The following BARHL2 variants were observed in gnomAD, a reference collection of about 807,000 sequenced individuals.
BARHL2 encodes the protein BarH like homeobox 2, also known as barH-like 2 homeobox protein.
BARHL2 carries 10 observed loss-of-function variants against 27.1 expected under a neutral mutation model. The observed-to-expected ratio is 0.37, with a 90% confidence interval of 0.23 to 0.63. BARHL2 has a LOEUF of 0.63. Among genes scored for constraint, BARHL2 ranks in the 20% least tolerant of loss-of-function variants. The probability of loss-of-function intolerance (pLI) is 0.65; values close to 1 mark genes in which losing one functional copy is unlikely to be tolerated. For missense variants in BARHL2, 483 were observed against 533.5 expected (o/e 0.91, Z 0.93); for synonymous variants, 248 against 224.7 (o/e 1.10, Z -0.93).
In BARHL2 at chr1:90,716,946, G is replaced by A; in HGVS notation, c.250C>T (p.His84Tyr). The change falls in exon 1 of 3, where the codon CAT becomes TAT. Residue 84 changes from histidine (H) to tyrosine (Y), a missense_variant. Coordinates refer to ENST00000370445, the MANE Select transcript of BARHL2 (RefSeq NM_020063.2). ...EPHLVADATQHHHHLHHSQQP... is the reference protein window; with the variant it reads ...EPHLVADATQYHHHLHHSQQP... ...TGGCTGTGGTGGAGGTGGTGATGAT[G>A]CTGGGTCGCGTCTGCTACCAGATGC... 6.2e-7 allele frequency: 1 copy of A among 1,613,084 alleles called. No homozygotes were observed. The highest frequency in any genetic ancestry group is 2.2e-5 in the East Asian group (1 of 44,784).
chr1:90,714,862 G>A, intron 1 of BARHL2, 106 bp from the exon 2 acceptor site: 1 of 1,020,374 alleles, frequency 9.8e-7, no homozygotes, highest in South Asian at 1.4e-5. Flanking sequence ...ACTGGCTTCG[G>A]GGGACTGCAC....
At chr1:90,714,394 C>T (rs1570607399) in intron 2 of BARHL2, 137 bp downstream of exon 2, 12 of 823,420 alleles carry the variant, frequency 1.5e-5, no homozygotes, top group Non-Finnish European at 2.1e-5. Flanking sequence ...CTGCCCCATC[C>T]TTAAAGCACC....
intron 1 of BARHL2, among the ~76,000 whole-genome samples, chr1:90,716,208 C>T (rs1658141486): frequency 6.6e-6 from 1 of 151,918 alleles, no homozygotes; most frequent in South Asian, 2.1e-4. Context: ...CCTACCTCCC[C>T]CCATTCCCAT....
Position 90,712,410 on chromosome 1 carries a change from G to C in BARHL2, c.1066C>G (p.Leu356Val). The C allele has an allele frequency of 6.2e-7, 1 of 1,604,756 alleles. No homozygotes were observed. The highest frequency in any genetic ancestry group is 8.5e-7 in the Non-Finnish European group (1 of 1,175,182). Residue 356 changes from leucine to valine, a missense_variant, in exon 3 of 3, where the codon CTG (leucine) becomes GTG (valine). Coordinates refer to ENST00000370445, the MANE Select transcript of BARHL2 (RefSeq NM_020063.2). ...CCGTGGATGAGCACACGGGGCACCAGGGGCCGCTGCAGCTGGGGATGGGGT... is the reference window on the plus strand; with the variant it reads ...CCGTGGATGAGCACACGGGGCACCACGGGCCGCTGCAGCTGGGGATGGGGT... ...PAPHPQLQRPLVPRVLIHGLG... is the reference protein window; with the variant it reads ...PAPHPQLQRPVVPRVLIHGLG...
In BARHL2 at chr1:90,714,597, C is replaced by T. The variant is rs1292476644; in HGVS notation, c.785G>A (p.Arg262His). The T allele has an allele frequency of 1.9e-6, 3 of 1,614,094 alleles. No homozygotes were observed. The highest frequency in any genetic ancestry group is 2.2e-5 in the South Asian group (2 of 91,086). The change falls in exon 2 of 3, where the codon CGC (arginine) becomes CAC (histidine). Residue 262 changes from arginine to histidine, a missense_variant. By Grantham distance (29) the Arg-to-His change is conservative (BLOSUM62 0). Transcript: ENST00000370445. The stretch of plus-strand genomic sequence containing the variant: ...GTTGAGCGCTGCAGCCAGGTCCATG[C>T]GATCCTGCACGCTCAGGTACTTCTG... ...ERQKYLSVQD[R>H]MDLAAALNLT...
rs1226033755 is a variant in BARHL2, at chr1:90,717,190, T to C, written c.6A>G (p.Thr2=). 5.6e-6 allele frequency: 9 copies of C among 1,612,148 alleles called. No individual in the cohort carries two copies. Among genetic ancestry groups the C allele is most frequent in the Non-Finnish European group, 7.6e-6 (9 of 1,179,522 alleles). M[T]MEGASGSSFG... ...AACTCGACCCGCTGGCCCCTTCCAT[T>C]GTCATTGCTACATGAGGTCCACGCC... Residue 2 remains threonine (T), a synonymous_variant, in exon 1 of 3, where the codon ACA becomes ACG. Coordinates refer to ENST00000370445, the MANE Select transcript of BARHL2 (RefSeq NM_020063.2).
At position 90,716,848 on chromosome 1, in the gene BARHL2, C is replaced by G; in HGVS notation, c.348G>C (p.Pro116=). 6.4e-7 allele frequency: 1 copy of G among 1,553,240 alleles called. No individual in the cohort carries two copies. Among genetic ancestry groups the G allele is most frequent in the South Asian group, 1.2e-5 (1 of 85,176 alleles). ...GGGGCGGCGGCGGCGGCTGCTGTGG[C>G]GGCAGCGGCTGCTGCTGTTGGGGCA... ...QPLPQQQQPL[P]PQQPPPPPPQ... Residue 116 remains proline, a synonymous_variant, in exon 1 of 3, where the codon CCG becomes CCC. Transcript: ENST00000370445.
chr1:90,713,934 C>T (rs1418565235), intron 2 of BARHL2, among the ~76,000 whole-genome samples: 1 of 152,238 alleles, frequency 6.6e-6, no homozygotes, highest in African/African-American at 2.4e-5. Flanking sequence ...GCTTGGCCAG[C>T]CGCCGATTCT....
rs2100639013 is a variant in BARHL2 at position 90,711,683 on chromosome 1, G to A, written c.*629C>T. On this transcript the variant is annotated 3_prime_UTR_variant, in exon 3 of 3. Coordinates refer to ENST00000370445, the MANE Select transcript of BARHL2 (RefSeq NM_020063.2). ...TAACGTATATAAGTGACTCTTTTTG[G>A]ACAACATATAATAAATATGATATAT... is the stretch of plus-strand genomic sequence containing the variant. 1 of 152,116 alleles carries A rather than the reference G, an allele frequency of 6.6e-6. No individual in the cohort carries two copies. Among genetic ancestry groups the A allele is most frequent in the Admixed American group, 6.5e-5 (1 of 15,292 alleles). The allele number at this position is 152,116 out of a possible 1,614,324, so 9.4% of individuals were successfully genotyped here.
intron 2 of BARHL2, among the ~76,000 whole-genome samples, chr1:90,712,926 T>C (rs1269987524): frequency 6.6e-6 from 1 of 152,154 alleles, no homozygotes; most frequent in Non-Finnish European, 1.5e-5. Flanking sequence ...GCCCCCCTTG[T>C]AGTTTGGCTA....
In BARHL2 at chr1:90,712,519, T is replaced by C. The variant is rs141724152; in HGVS notation, c.957A>G (p.Pro319=). ...RMFPSPYFYH[P]SLLGSMDSTT... ...TGCTGTCCATGCTGCCCAGCAGGCTTGGGTGATAGAAATAAGGCGATGGAA... is the reference window on the plus strand; with the variant it reads ...TGCTGTCCATGCTGCCCAGCAGGCTCGGGTGATAGAAATAAGGCGATGGAA... The change falls in exon 3 of 3, where the codon CCA becomes CCG. Residue 319 remains proline, a synonymous_variant. Transcript: ENST00000370445. 13 of 1,613,898 alleles carry C rather than the reference T, an allele frequency of 8.1e-6. No homozygotes were observed. Among genetic ancestry groups the C allele is most frequent in the Non-Finnish European group, 1.1e-5 (13 of 1,179,994 alleles).
In BARHL2 at chr1:90,716,988, T is replaced by C. The variant is rs895759660; in HGVS notation, c.208A>G (p.Met70Val). ...TAPSSPISVT[M>V]EPPEPHLVAD... ...ACCAGATGCGGCTCCGGGGGCTCCA[T>C]GGTGACTGAGATAGGAGAAGAAGGC... Residue 70 changes from methionine to valine, a missense_variant, in exon 1 of 3, where the codon ATG (methionine) becomes GTG (valine). Physicochemically the swap from Met to Val is conservative, Grantham distance 21. This residue lies in a region of BARHL2 where 304 missense variants were observed against 284.9 expected (regional missense o/e 1.07). Transcript: ENST00000370445. The C allele has an allele frequency of 2.0e-5, 32 of 1,613,498 alleles. No individual in the cohort carries two copies. The highest frequency in any genetic ancestry group is 2.7e-5 in the Non-Finnish European group (32 of 1,179,852).
In BARHL2 at chr1:90,717,142, G is replaced by A; in HGVS notation, c.54C>T (p.Ser18=). ...TGCCTGGGCTGCCTGAACTGGCACT[G>A]GACAAAATCGTGTCTATTCCAAAAC... ...GSSFGIDTIL[S]SASSGSPGMM... Residue 18 remains serine (S), a synonymous_variant, in exon 1 of 3, where the codon TCC becomes TCT. Transcript: ENST00000370445. 1 of 1,613,748 alleles carries A rather than the reference G, an allele frequency of 6.2e-7. No individual in the cohort carries two copies. Among genetic ancestry groups the A allele is most frequent in the Non-Finnish European group, 8.5e-7 (1 of 1,179,932 alleles).
chr1:90,714,353 G>T (rs1658100208), intron 2 of BARHL2, among the ~76,000 whole-genome samples, 178 bp downstream of exon 2: 1 of 152,176 alleles, frequency 6.6e-6, no homozygotes, highest in African/African-American at 2.4e-5. Context: ...CTGCCCTTTG[G>T]TCTCTCTCAC....
Position 90,714,735 on chromosome 1 carries a change from C to T in BARHL2, c.647G>A (p.Arg216Gln), listed in dbSNP as rs763979610. 9.3e-6 allele frequency: 15 copies of T among 1,614,078 alleles called. No homozygotes were observed. In the East Asian group the frequency reaches 1.3e-4, roughly 14 times the overall value. The change falls in exon 2 of 3, where the codon CGG becomes CAG. Residue 216 changes from arginine to glutamine, a missense_variant. Around this residue, in one of 3 missense-constraint regions of BARHL2, gnomAD observed 49 missense variants for 110.6 expected, o/e 0.44. Coordinates refer to ENST00000370445, the MANE Select transcript of BARHL2 (RefSeq NM_020063.2). ...KCHGTKEEGDREITSSRESPP... is the reference protein window; with the variant it reads ...KCHGTKEEGDQEITSSRESPP... ...ACTCTCACGGCTACTCGTAATCTCCCGGTCTCCTTCCTCCTTTGTCCCTAC... is the reference window on the plus strand; with the variant it reads ...ACTCTCACGGCTACTCGTAATCTCCTGGTCTCCTTCCTCCTTTGTCCCTAC...
chr1:90,716,798 G>C lies in BARHL2; in HGVS notation c.398C>G (p.Ser133Trp), dbSNP rs750866481. Residue 133 changes from serine to tryptophan, a missense_variant, in exon 1 of 3, where the codon TCG becomes TGG. Ser to Trp is a radical substitution (Grantham distance 177). Around this residue, in one of 3 missense-constraint regions of BARHL2, gnomAD observed 304 missense variants for 284.9 expected, o/e 1.07. Coordinates refer to ENST00000370445, the MANE Select transcript of BARHL2 (RefSeq NM_020063.2). ...PPPQQLGSAA[S>W]APRTSTSSFL... ...AGAAGACGTGGAAGTCCTGGGGGCCGAGGCGGCCGAGCCCAGCTGCTGGGG... is the reference window on the plus strand; with the variant it reads ...AGAAGACGTGGAAGTCCTGGGGGCCCAGGCGGCCGAGCCCAGCTGCTGGGG... 5.2e-6 allele frequency: 8 copies of C among 1,553,018 alleles called. No homozygotes were observed. Among genetic ancestry groups the C allele is most frequent in the Non-Finnish European group, 1.7e-6 (2 of 1,148,092 alleles).
At position 90,716,817 on chromosome 1, in the gene BARHL2, G is replaced by T. The variant is rs1658156606; in HGVS notation, c.379C>A (p.Gln127Lys). 6.4e-7 allele frequency: 1 copy of T among 1,552,458 alleles called. No individual in the cohort carries two copies. The change falls in exon 1 of 3, where the codon CAG (glutamine) becomes AAG (lysine). Residue 127 changes from glutamine to lysine, a missense_variant. Gln to Lys is a moderately conservative substitution (Grantham distance 53, BLOSUM62 1). Coordinates refer to ENST00000370445, the MANE Select transcript of BARHL2 (RefSeq NM_020063.2). ...GGGGCCGAGGCGGCCGAGCCCAGCT[G>T]CTGGGGGGGCGGCGGCGGCGGCTGC... ...PQQPPPPPPQ[Q>K]LGSAASAPRT...
Position 90,717,168 on chromosome 1 carries a change from T to C in BARHL2, c.28A>G (p.Ser10Gly), listed in dbSNP as rs1361919173. 6.2e-7 allele frequency: 1 copy of C among 1,613,146 alleles called. No homozygotes were observed. The change falls in exon 1 of 3, where the codon AGT becomes GGT. Residue 10 changes from serine (S) to glycine (G), a missense_variant. Transcript: ENST00000370445. ...GACAAAATCGTGTCTATTCCAAAACTCGACCCGCTGGCCCCTTCCATTGTC... is the reference window on the plus strand; with the variant it reads ...GACAAAATCGTGTCTATTCCAAAACCCGACCCGCTGGCCCCTTCCATTGTC... The part of the protein sequence containing the change: MTMEGASGS[S>G]FGIDTILSSA...
At chr1:90,712,680 A>G (rs1658061619) in intron 2 of BARHL2, 56 bp from the exon 3 acceptor site, 19 of 1,503,274 alleles carry the variant, frequency 1.3e-5, no homozygotes, top group Admixed American at 4.2e-5. Context: ...TCCAGGCACC[A>G]AGACCCGGCC....
Sources: allele counts gnomAD v4.1 joint callset (sites outside exome capture counted in the v4.1 genomes callset), GRCh38; gene constraint gnomAD v4.1.1; regional missense constraint gnomAD v4.1.1; transcripts MANE v1.5; gene names NCBI Gene and HGNC (gene_info 2026-07-23, HGNC 2026-07-21).